ARFIP1: variants seen among roughly 807,000 people sequenced by gnomAD.
ARFIP1 encodes arfaptin-1.
Under a neutral mutation model 42.5 loss-of-function variants are expected in ARFIP1, and 24 were observed. That is an observed-to-expected ratio of 0.57 (90% CI 0.41 to 0.80). ARFIP1 has a LOEUF of 0.80. ARFIP1 is among the 30% of genes least tolerant of loss of function. The probability of loss-of-function intolerance (pLI) is 0.00; values close to 1 mark genes in which losing one functional copy is unlikely to be tolerated. For missense variants in ARFIP1, 354 were observed against 434.0 expected (o/e 0.82, Z 1.64); for synonymous variants, 141 against 153.7 (o/e 0.92, Z 0.61).
rs1308593932 is a variant in ARFIP1 at position 152,796,443 on chromosome 4, A to G, written c.-10+16217A>G. 3 of 741,308 alleles carry G rather than the reference A, an allele frequency of 4.0e-6. No homozygotes were observed. In the African/African-American group the frequency reaches 5.2e-5, roughly 13 times the overall value. 45.9% of individuals were successfully genotyped at this position (741,308 alleles called of 1,614,324 possible). On this transcript the variant is annotated intron_variant, in intron 1 of 8. Coordinates refer to ENST00000353617, the MANE Select transcript of ARFIP1 (RefSeq NM_001025595.3). ...TTTCTCTTTCCTGTTTGAATAACTT[A>G]ATGCTTCTGTTTCTCCCTGGGCACA...
intron 1 of ARFIP1, among the ~76,000 whole-genome samples, chr4:152,821,014 A>G (rs548291610): frequency 5.7e-4 from 87 of 152,336 alleles, no homozygotes; most frequent in African/African-American, 2.1e-3. Context: ...AATTCAAAAA[A>G]TAGTTAGAAG....
chr4:152,823,776 CAAAAAAAAAAA>C (rs66556811), intron 1 of ARFIP1, among the ~76,000 whole-genome samples: 27 of 63,148 alleles, frequency 4.3e-4, no homozygotes, highest in Non-Finnish European at 5.4e-4. Context: ...GTCTCCATCT[CAAAAAAAAAAA>C]AAAAAAAAAA....
chr4:152,788,767 A>G (rs1730966222), intron 1 of ARFIP1, among the ~76,000 whole-genome samples: 1 of 145,210 alleles, frequency 6.9e-6, no homozygotes, highest in East Asian at 2.0e-4. Flanking sequence ...TAAAGTCCAT[A>G]TTTTATTCAG....
chr4:152,809,288 C>A (rs6535877), intron 1 of ARFIP1, among the ~76,000 whole-genome samples: 1 of 151,848 alleles, frequency 6.6e-6, no homozygotes, highest in Non-Finnish European at 1.5e-5. Context: ...CATATGGGTC[C>A]TGACTTGTAG....
intron 3 of ARFIP1, among the ~76,000 whole-genome samples, 153 bp from the exon 4 acceptor site, chr4:152,870,600 A>T (rs896410395): frequency 6.6e-6 from 1 of 152,238 alleles, no homozygotes; most frequent in African/African-American, 2.4e-5. Context: ...ATTTATTATT[A>T]GTCCTTCCCT....
At chr4:152,837,844 C>A (rs1481631139) in intron 2 of ARFIP1, among the ~76,000 whole-genome samples, 1 of 152,150 alleles carries the variant, frequency 6.6e-6, no homozygotes, top group African/African-American at 2.4e-5. Context: ...GTCATGAAAT[C>A]CTTGCCTAAG....
rs554419349 is a variant in ARFIP1, at chr4:152,798,746, T to C, written c.-10+18520T>C. Among the ~76,000 whole-genome samples, 19 of 152,364 alleles carry C rather than the reference T, an allele frequency of 1.2e-4. No homozygotes were observed. In the South Asian group the frequency reaches 3.7e-3, roughly 30 times the overall value. On this transcript the variant is annotated intron_variant, in intron 1 of 8. Coordinates refer to ENST00000353617, the MANE Select transcript of ARFIP1 (RefSeq NM_001025595.3). Reference sequence around the variant, plus strand: ...TTGTGTGTATATTTATCTCTGTGATTAGATTCAGAGTGCTTTTAGAGCTGG... The same window carrying C: ...TTGTGTGTATATTTATCTCTGTGATCAGATTCAGAGTGCTTTTAGAGCTGG...
chr4:152,880,007 C>G (rs1256241763), intron 5 of ARFIP1, among the ~76,000 whole-genome samples: 1 of 152,054 alleles, frequency 6.6e-6, no homozygotes, highest in Non-Finnish European at 1.5e-5. Context: ...TACTAGGAAA[C>G]TTATTTCCAT....
At chr4:152,893,177 G>A (rs1413335605) in intron 8 of ARFIP1, among the ~76,000 whole-genome samples, 1 of 152,192 alleles carries the variant, frequency 6.6e-6, no homozygotes, top group African/African-American at 2.4e-5. Flanking sequence ...GTGCATGTTT[G>A]CCTTCTTCCC....
intron 5 of ARFIP1, among the ~76,000 whole-genome samples, chr4:152,878,168 A>G (rs573140731): frequency 6.6e-6 from 1 of 152,302 alleles, no homozygotes; most frequent in East Asian, 1.9e-4. Flanking sequence ...TGCCTCTTGA[A>G]TTTAGCATCA....
intron 1 of ARFIP1, among the ~76,000 whole-genome samples, chr4:152,801,505 G>T (rs116501528): frequency 6.6e-6 from 1 of 152,076 alleles, no homozygotes; most frequent in Non-Finnish European, 1.5e-5. Flanking sequence ...TGTATCATCT[G>T]TGTTCAGTAA....
At chr4:152,886,165 T>C (rs1736243361) in intron 7 of ARFIP1, among the ~76,000 whole-genome samples, 1 of 152,020 alleles carries the variant, frequency 6.6e-6, no homozygotes, top group South Asian at 2.1e-4. Flanking sequence ...TATATGTCCA[T>C]CGTTTTCTAA....
chr4:152,821,050 A>G (rs1190369594), intron 1 of ARFIP1, among the ~76,000 whole-genome samples: 2 of 152,216 alleles, frequency 1.3e-5, no homozygotes, highest in Admixed American at 1.3e-4. Context: ...ATGAGAAGGA[A>G]CCAGAAAACT....
chr4:152,819,264 A>C (rs1251782935), intron 1 of ARFIP1, among the ~76,000 whole-genome samples: 1 of 152,150 alleles, frequency 6.6e-6, no homozygotes, highest in Non-Finnish European at 1.5e-5. Flanking sequence ...GAAAGAGAAA[A>C]CTGTGGCATG....
intron 2 of ARFIP1, among the ~76,000 whole-genome samples, chr4:152,838,250 G>T (rs887569217): frequency 1.3e-5 from 2 of 152,124 alleles, no homozygotes; most frequent in African/African-American, 4.8e-5. Flanking sequence ...TCCTTTGGCT[G>T]TGTGGGCTCT....
intron 1 of ARFIP1, chr4:152,796,359 T>A: frequency 1.4e-6 from 1 of 724,832 alleles, no homozygotes; most frequent in Non-Finnish European, 2.5e-6. Context: ...GGTGGTTTTC[T>A]TGTAAAGACA....
intron 8 of ARFIP1, among the ~76,000 whole-genome samples, chr4:152,896,497 G>A (rs1579032951): frequency 6.6e-6 from 1 of 152,186 alleles, no homozygotes; most frequent in East Asian, 1.9e-4. Context: ...ACAAAGTAGT[G>A]TTTATTGTAC....
At chr4:152,835,854 GT>G (rs1320896415) in intron 2 of ARFIP1, among the ~76,000 whole-genome samples, 1 of 152,188 alleles carries the variant, frequency 6.6e-6, no homozygotes, top group Non-Finnish European at 1.5e-5. Flanking sequence ...GCCTCAAGAA[GT>G]TTCCAATCAT....
intron 8 of ARFIP1, among the ~76,000 whole-genome samples, chr4:152,897,562 T>G (rs1405818814): frequency 6.6e-6 from 1 of 152,202 alleles, no homozygotes; most frequent in Non-Finnish European, 1.5e-5. Context: ...GCTGTATATG[T>G]TGGAGGTGAG....
Sources: gnomAD v4.1 joint callset for allele counts (sites outside exome capture counted in the v4.1 genomes callset) on GRCh38, gnomAD v4.1.1 for gene constraint, MANE v1.5 for transcripts, NCBI Gene and HGNC (gene_info 2026-07-23, HGNC 2026-07-21) for gene names.